The following EMB variants were observed in gnomAD, a reference collection of about 807,000 sequenced individuals.
EMB encodes the protein embigin homolog.
Under a neutral mutation model 41.4 loss-of-function variants are expected in EMB, and 31 were observed. The observed-to-expected ratio is 0.75, with a 90% CI of 0.56 to 1.01. The LOEUF (loss-of-function observed/expected upper bound fraction) is 1.01, where lower values mean the gene tolerates loss of function less well. EMB is among the 50% of genes least tolerant of loss of function. EMB has a pLI of 0.00. For missense variants in EMB, 379 were observed against 388.3 expected, an observed-to-expected ratio of 0.98 and a Z score of 0.20; for synonymous variants, 137 against 140.4, an observed-to-expected ratio of 0.98 and a Z score of 0.17.
At chr5:50,402,013 C>A (rs1168551298) in intron 7 of EMB, among the ~76,000 whole-genome samples, 1 of 151,924 alleles carries the variant, frequency 6.6e-6, no homozygotes, top group Non-Finnish European at 1.5e-5. Context: ...ATATAATATT[C>A]ATTCCATCCA....
intron 5 of EMB, among the ~76,000 whole-genome samples, chr5:50,404,591 A>G (rs1380417777): frequency 1.3e-5 from 2 of 151,978 alleles, no homozygotes; most frequent in Non-Finnish European, 2.9e-5. Context: ...CATCTGATAT[A>G]ATTAGATGAA....
intron 2 of EMB, among the ~76,000 whole-genome samples, chr5:50,416,148 TG>T: frequency 6.6e-6 from 1 of 152,334 alleles, no homozygotes; most frequent in South Asian, 2.1e-4. Context: ...TTACATATTT[TG>T]TGGTTAGCCA....
upstream of EMB, chr5:50,443,052 C>T (rs1745940638): frequency 1.3e-5 from 2 of 152,078 alleles, no homozygotes; most frequent in Non-Finnish European, 2.9e-5. Context: ...AAAGTCTTTT[C>T]ATCACTGTTC....
intron 7 of EMB, among the ~76,000 whole-genome samples, chr5:50,402,036 G>T (rs1745170451): frequency 6.6e-6 from 1 of 151,794 alleles, no homozygotes; most frequent in Non-Finnish European, 1.5e-5. Context: ...AACCTCATAT[G>T]GTGAGTACTA....
intron 2 of EMB, among the ~76,000 whole-genome samples, chr5:50,425,225 A>G (rs1379611795): frequency 6.6e-6 from 1 of 152,016 alleles, no homozygotes; most frequent in Non-Finnish European, 1.5e-5. Context: ...CCTTATCTTG[A>G]CTAATCTTCC....
rs531053903 is a variant in EMB, at chr5:50,421,473, G to A, written c.196+6671C>T. ...GACTGTAAACTAGTTCAACCATTGT[G>A]GAAGTCAGTGTGGCGATTCCTCAGG... On this transcript the variant is annotated intron_variant, in intron 2 of 8. Coordinates refer to ENST00000303221, the MANE Select transcript of EMB (RefSeq NM_198449.3). Among the ~76,000 whole-genome samples the A allele has an allele frequency of 3.3e-5, 5 of 152,174 alleles. No individual in the cohort carries two copies. The East Asian group carries it at 9.7e-4, about 29-fold the overall frequency.
chr5:50,409,284 T>A (rs558998747), intron 4 of EMB, among the ~76,000 whole-genome samples: 31 of 152,206 alleles, frequency 2.0e-4, no homozygotes, highest in African/African-American at 7.0e-4. Context: ...CACTTCCACA[T>A]AATAATTTAA....
chr5:50,412,263 C>CACACAG (rs1305702337), intron 2 of EMB, among the ~76,000 whole-genome samples: 1 of 151,358 alleles, frequency 6.6e-6, no homozygotes, highest in African/African-American at 2.4e-5. Context: ...CACAGACACA[C>CACACAG]ACACACACAC....
At chr5:50,425,111 C>A (rs1313409635) in intron 2 of EMB, among the ~76,000 whole-genome samples, 1 of 152,124 alleles carries the variant, frequency 6.6e-6, no homozygotes. Flanking sequence ...AGTATTTTCA[C>A]TTCTTTTCTT....
chr5:50,433,283 C>G (rs1745752795), intron 1 of EMB, among the ~76,000 whole-genome samples: 1 of 151,846 alleles, frequency 6.6e-6, no homozygotes, highest in South Asian at 2.1e-4. Flanking sequence ...ACACTTTTAC[C>G]AGTCTTGTAA....
chr5:50,433,385 C>A (rs1228298500), intron 1 of EMB, among the ~76,000 whole-genome samples: 2 of 152,102 alleles, frequency 1.3e-5, no homozygotes, highest in Admixed American at 1.3e-4. Flanking sequence ...TTTCAAAGGG[C>A]AATGTAAAAA....
chr5:50,421,599 T>C (rs1413254533), intron 2 of EMB, among the ~76,000 whole-genome samples: 1 of 152,068 alleles, frequency 6.6e-6, no homozygotes, highest in Admixed American at 6.5e-5. Context: ...TGCACACGTA[T>C]GTTTATTGTG....
chr5:50,401,060 T>C (rs1002802670), intron 7 of EMB, among the ~76,000 whole-genome samples: 25 of 152,076 alleles, frequency 1.6e-4, no homozygotes, highest in African/African-American at 5.8e-4. Context: ...TACGTGGAAA[T>C]AGGAAAGATT....
chr5:50,442,769 A>G (rs540499619), upstream of EMB, among the ~76,000 whole-genome samples: 3 of 152,310 alleles, frequency 2.0e-5, no homozygotes, highest in African/African-American at 7.2e-5. Flanking sequence ...TCTCAGGACT[A>G]ACTGCACACA....
At chr5:50,402,354 G>T (rs756018696) in intron 6 of EMB, 35 bp from the exon 7 acceptor site, 6 of 1,589,884 alleles carry the variant, frequency 3.8e-6, no homozygotes, top group Admixed American at 3.4e-5. Context: ...CTGTGAAGTT[G>T]GTTTGTCACT....
At chr5:50,400,167 A>T (rs1745138124) in intron 7 of EMB, among the ~76,000 whole-genome samples, 1 of 152,056 alleles carries the variant, frequency 6.6e-6, no homozygotes, top group Non-Finnish European at 1.5e-5. Context: ...CCCAAGCATG[A>T]GTGAGGACTT....
rs1745097572 is a variant in EMB at position 50,397,904 on chromosome 5, C to G, written c.*1369G>C. On this transcript the variant is annotated 3_prime_UTR_variant, in exon 9 of 9. Coordinates refer to ENST00000303221, the MANE Select transcript of EMB (RefSeq NM_198449.3). ...AAGTCACTACCTTATGTGTATTATTCATACTAGTAATATTGGTAAACATTA... is the reference window on the plus strand; with the variant it reads ...AAGTCACTACCTTATGTGTATTATTGATACTAGTAATATTGGTAAACATTA... The G allele has an allele frequency of 6.6e-6, 1 of 151,958 alleles. No individual in the cohort carries two copies. 9.4% of individuals were successfully genotyped at this position (151,958 alleles called of 1,614,324 possible).
intron 2 of EMB, among the ~76,000 whole-genome samples, chr5:50,416,709 TA>T (rs1334246707): frequency 6.6e-6 from 1 of 152,076 alleles, no homozygotes; most frequent in African/African-American, 2.4e-5. Context: ...TCATTATTCA[TA>T]ATGAGGTAGG....
intron 4 of EMB, among the ~76,000 whole-genome samples, chr5:50,407,164 G>A (rs1745262401): frequency 6.6e-6 from 1 of 151,906 alleles, no homozygotes; most frequent in African/African-American, 2.4e-5. Flanking sequence ...GTTTCTTTCT[G>A]GCAATTGAGT....
Sources: gnomAD v4.1 joint callset for allele counts (sites outside exome capture counted in the v4.1 genomes callset) on GRCh38, gnomAD v4.1.1 for gene constraint, MANE v1.5 for transcripts, NCBI Gene and HGNC (gene_info 2026-07-23, HGNC 2026-07-21) for gene names.